PPP3CA: variants seen among roughly 807,000 people sequenced by gnomAD.
PPP3CA encodes CAM-PRP catalytic subunit.
PPP3CA carries 14 observed loss-of-function variants against 66.5 expected under a neutral mutation model. The ratio of observed to expected loss-of-function variants is 0.21; its 90% CI spans 0.14 to 0.33. The LOEUF is 0.33. Ranked by LOEUF, PPP3CA falls within the 10% of genes least tolerant of loss-of-function variation. PPP3CA has a pLI of 1.00. For missense variants in PPP3CA, 317 were observed against 639.5 expected (o/e 0.50, Z 5.44); for synonymous variants, 232 against 226.2 (o/e 1.03, Z -0.23).
intron 1 of PPP3CA, among the ~76,000 whole-genome samples, chr4:101,315,863 G>T (rs962592842): frequency 2.0e-5 from 3 of 152,054 alleles, no homozygotes; most frequent in African/African-American, 7.2e-5. Context: ...CCCCTTTTCT[G>T]CTCATCACTA....
intron 11 of PPP3CA, among the ~76,000 whole-genome samples, chr4:101,032,956 AT>A (rs1007190014): frequency 4.7e-5 from 7 of 150,490 alleles, no homozygotes; most frequent in South Asian, 2.1e-4. Context: ...AATTTCCCAG[AT>A]TTTTTTTTTC....
intron 10 of PPP3CA, among the ~76,000 whole-genome samples, chr4:101,049,428 C>T (rs931703779): frequency 4.0e-5 from 6 of 151,754 alleles, no homozygotes; most frequent in East Asian, 3.9e-4. Context: ...ACCCCTTTAT[C>T]GTGACAAAAA....
chr4:101,326,429 G>T (rs566253057), intron 1 of PPP3CA, among the ~76,000 whole-genome samples: 2 of 152,250 alleles, frequency 1.3e-5, no homozygotes, highest in Non-Finnish European at 2.9e-5. Context: ...CTGACACCAA[G>T]TAGGTCACAT....
chr4:101,240,611 G>C (rs1005788350), intron 1 of PPP3CA, among the ~76,000 whole-genome samples: 28 of 151,748 alleles, frequency 1.8e-4, no homozygotes, highest in Admixed American at 1.7e-3. Flanking sequence ...GCAGGATTTG[G>C]GTAAGACAGA....
chr4:101,127,728 T>C (rs1722291201), intron 2 of PPP3CA, among the ~76,000 whole-genome samples: 1 of 150,710 alleles, frequency 6.6e-6, no homozygotes, highest in Admixed American at 6.6e-5. Flanking sequence ...TTATTTGAGT[T>C]CTATTGCTAT....
chr4:101,099,447 C>A (rs1356490873), intron 4 of PPP3CA, among the ~76,000 whole-genome samples, 164 bp downstream of exon 4: 1 of 152,020 alleles, frequency 6.6e-6, no homozygotes, highest in South Asian at 2.1e-4. Context: ...ATTCTGAATT[C>A]TCATAAATGT....
In PPP3CA at chr4:101,106,473, A is replaced by AGAAG. The variant is rs1560605300; in HGVS notation, c.384+2480_384+2481insCTTC. Among the ~76,000 whole-genome samples, 16 of 43,268 alleles carry AGAAG rather than the reference A, an allele frequency of 3.7e-4. 3 individuals are homozygous for AGAAG. The highest frequency in any genetic ancestry group is 2.2e-3 in the South Asian group (3 of 1,340). The allele number at this position is 43,268 out of a possible 152,430, so 28.4% of individuals were successfully genotyped here. ...AGAAAGAGAAAAGAAAAGAAAAGAA[A>AGAAG]AGAAAAGAAAAGAAAAGAAAAGAAA... is the stretch of plus-strand genomic sequence containing the variant. On this transcript the variant is annotated intron_variant, in intron 3 of 13. Coordinates refer to ENST00000394854, the MANE Select transcript of PPP3CA (RefSeq NM_000944.5).
chr4:101,283,312 T>G (rs1425237969), intron 1 of PPP3CA, among the ~76,000 whole-genome samples: 1 of 152,218 alleles, frequency 6.6e-6, no homozygotes, highest in African/African-American at 2.4e-5. Context: ...TAAGCCTTGG[T>G]ATCAATACTC....
intron 10 of PPP3CA, among the ~76,000 whole-genome samples, chr4:101,055,530 T>C (rs781698173): frequency 1.6e-4 from 24 of 152,106 alleles, no homozygotes; most frequent in Non-Finnish European, 1.9e-4. Context: ...AACAGAAGTT[T>C]TAAATTTTAT....
chr4:101,282,862 C>T (rs1727729379), intron 1 of PPP3CA, among the ~76,000 whole-genome samples: 1 of 152,140 alleles, frequency 6.6e-6, no homozygotes, highest in African/African-American at 2.4e-5. Flanking sequence ...AACAGCTCAT[C>T]CAACTCTAAT....
At chr4:101,076,946 T>C (rs1729222870) in intron 8 of PPP3CA, among the ~76,000 whole-genome samples, 1 of 152,340 alleles carries the variant, frequency 6.6e-6, no homozygotes, top group African/African-American at 2.4e-5. Context: ...CCAATAAATT[T>C]ACATGAGTTA....
chr4:101,127,769 C>T (rs1722293442), intron 2 of PPP3CA, among the ~76,000 whole-genome samples: 1 of 152,168 alleles, frequency 6.6e-6, no homozygotes, highest in Non-Finnish European at 1.5e-5. Flanking sequence ...ACAACAACAA[C>T]ATTTTGAGTC....
intron 3 of PPP3CA, 103 bp downstream of exon 3, chr4:101,108,851 A>G: frequency 8.9e-7 from 1 of 1,126,804 alleles, no homozygotes; most frequent in Non-Finnish European, 1.3e-6. Flanking sequence ...ATTAAATTTC[A>G]TTGTTAGAGG....
chr4:101,075,431 C>T (rs1385417470), intron 8 of PPP3CA, among the ~76,000 whole-genome samples: 1 of 152,192 alleles, frequency 6.6e-6, no homozygotes, highest in Non-Finnish European at 1.5e-5. Context: ...AACTAAGTTA[C>T]ATACCCCTGG....
At chr4:101,176,360 C>T (rs751991127) in intron 2 of PPP3CA, among the ~76,000 whole-genome samples, 11 of 152,142 alleles carry the variant, frequency 7.2e-5, no homozygotes, top group Admixed American at 1.3e-4. Flanking sequence ...GAAGTAAAGT[C>T]ATCACCTTCT....
intron 2 of PPP3CA, among the ~76,000 whole-genome samples, chr4:101,112,598 A>C (rs924601480): frequency 6.6e-6 from 1 of 152,114 alleles, no homozygotes; most frequent in Non-Finnish European, 1.5e-5. Flanking sequence ...ACAGTAACTC[A>C]AAATAAAACA....
chr4:101,146,960 T>C (rs189545442), intron 2 of PPP3CA, among the ~76,000 whole-genome samples: 1 of 152,310 alleles, frequency 6.6e-6, no homozygotes, highest in East Asian at 1.9e-4. Context: ...CATTTCAAGC[T>C]CTGGATTAGG....
chr4:101,111,072 T>C (rs1721654808), intron 2 of PPP3CA, among the ~76,000 whole-genome samples: 2 of 152,188 alleles, frequency 1.3e-5, no homozygotes, highest in African/African-American at 4.8e-5. Flanking sequence ...AATAATATAA[T>C]TACTCTTCTA....
chr4:101,335,057 G>A (rs775851342), intron 1 of PPP3CA, among the ~76,000 whole-genome samples: 14 of 151,946 alleles, frequency 9.2e-5, no homozygotes, highest in East Asian at 5.8e-4. Context: ...AGGGTTGAAC[G>A]TAAATCCACT....
Sources: gnomAD v4.1 joint callset for allele counts (sites outside exome capture counted in the v4.1 genomes callset) on GRCh38, gnomAD v4.1.1 for gene constraint, MANE v1.5 for transcripts, NCBI Gene and HGNC (gene_info 2026-07-23, HGNC 2026-07-21) for gene names.